LTBP1: variants seen among roughly 807,000 people sequenced by gnomAD.
LTBP1 encodes latent transforming growth factor beta binding protein 1, also known as latent-transforming growth factor beta-binding protein 1.
A neutral mutation model predicts 207.6 loss-of-function variants in LTBP1; 129 were observed. That is an observed-to-expected ratio of 0.62 (90% confidence interval 0.54 to 0.72). LTBP1 has a LOEUF of 0.72. Ranked by LOEUF, LTBP1 falls within the 30% of genes least tolerant of loss-of-function variation. The pLI, the probability that LTBP1 is intolerant of heterozygous loss-of-function variation, is 0.00. For missense variants in LTBP1, 2,281 were observed against 2,217.2 expected, an observed-to-expected ratio of 1.03 and a Z score of -0.58; for synonymous variants, 963 against 833.7, an observed-to-expected ratio of 1.16 and a Z score of -2.67.
At chr2:33,024,488 T>G (rs2075322177) in intron 3 of LTBP1, among the ~76,000 whole-genome samples, 1 of 152,138 alleles carries the variant, frequency 6.6e-6, no homozygotes, top group Non-Finnish European at 1.5e-5. Flanking sequence ...TTTGGTAAAA[T>G]TGTAGTGTTA....
intron 2 of LTBP1, among the ~76,000 whole-genome samples, chr2:32,968,223 C>T (rs1680288081): frequency 6.6e-6 from 1 of 152,026 alleles, no homozygotes; most frequent in Non-Finnish European, 1.5e-5. Flanking sequence ...GCCTTGGCCT[C>T]CCAAAGTGTA....
At chr2:32,992,173 C>G (rs1280659146) in intron 2 of LTBP1, among the ~76,000 whole-genome samples, 2 of 152,158 alleles carry the variant, frequency 1.3e-5, no homozygotes, top group East Asian at 3.9e-4. Flanking sequence ...GGTAGGGACA[C>G]AAGATGACTT....
intron 32 of LTBP1, among the ~76,000 whole-genome samples, chr2:33,389,848 C>G (rs1574131249): frequency 6.6e-6 from 1 of 152,162 alleles, no homozygotes; most frequent in Admixed American, 6.5e-5. Context: ...CCATGTTGGT[C>G]AGGCTCTTCT....
intron 26 of LTBP1, among the ~76,000 whole-genome samples, chr2:33,353,868 T>A (rs1043882625): frequency 1.3e-5 from 2 of 151,322 alleles, no homozygotes; most frequent in African/African-American, 4.9e-5. Flanking sequence ...GCCTTTTTTT[T>A]TTTTTTTTTG....
intron 19 of LTBP1, among the ~76,000 whole-genome samples, chr2:33,287,654 CT>C (rs760608084): frequency 2.0e-5 from 3 of 152,214 alleles, no homozygotes; most frequent in Non-Finnish European, 2.9e-5. Flanking sequence ...TTGGATTTTT[CT>C]GAGATCATCC....
At chr2:33,343,002 C>G (rs377336097) in intron 25 of LTBP1, 39 bp downstream of exon 25, 1 of 1,585,388 alleles carries the variant, frequency 6.3e-7, no homozygotes. Flanking sequence ...TTTCACATGT[C>G]CCTAGGGAAA....
intron 9 of LTBP1, among the ~76,000 whole-genome samples, chr2:33,229,789 C>T (rs2091684028): frequency 6.6e-6 from 1 of 152,156 alleles, no homozygotes; most frequent in Non-Finnish European, 1.5e-5. Context: ...TGATGGTCTA[C>T]TGGTAACACC....
chr2:33,257,174 G>T, intron 11 of LTBP1, 110 bp from the exon 12 acceptor site: 1 of 740,138 alleles, frequency 1.4e-6, no homozygotes, highest in Non-Finnish European at 2.1e-6. Flanking sequence ...GTTTTAAAAT[G>T]TAACTACATT....
rs138473884 is a variant in LTBP1, at chr2:33,323,172, C to G, written c.3730+7903C>G. 7.0e-3 allele frequency among the ~76,000 whole-genome samples: 1,067 copies of G among 152,240 alleles called. 7 individuals carry two copies. Among genetic ancestry groups the G allele is most frequent in the Middle Eastern group, 0.034 (10 of 294 alleles). ...GCACATTCTAAACGTGCTCAGAACA[C>G]TTACACTAGCCTATAGTTAGGCAAA... On this transcript the variant is annotated intron_variant, in intron 24 of 33. Transcript: ENST00000404816.
In LTBP1 at chr2:32,948,895, G is replaced by A; in HGVS notation, c.515G>A (p.Arg172Gln). ...QLQGVNVCGGRCCHGWSKAPG... is the reference protein window; with the variant it reads ...QLQGVNVCGGQCCHGWSKAPG... Reference sequence around the variant, plus strand: ...TTCAGGGTCAATGTCTGTGGAGGGCGGTGCTGTCATGGCTGGAGTAAGGCC... The same window carrying A: ...TTCAGGGTCAATGTCTGTGGAGGGCAGTGCTGTCATGGCTGGAGTAAGGCC... Residue 172 changes from arginine to glutamine, a missense_variant, in exon 2 of 34, where the codon CGG becomes CAG. This residue lies in a region of LTBP1 where 555 missense variants were observed against 491.0 expected (regional missense o/e 1.13). Coordinates refer to ENST00000404816, the MANE Select transcript of LTBP1 (RefSeq NM_206943.4). 6.2e-7 allele frequency: 1 copy of A among 1,614,124 alleles called. No individual in the cohort carries two copies. The highest frequency in any genetic ancestry group is 8.5e-7 in the Non-Finnish European group (1 of 1,180,016).
chr2:33,083,937 C>T (rs1326018787), intron 3 of LTBP1, among the ~76,000 whole-genome samples: 1 of 152,158 alleles, frequency 6.6e-6, no homozygotes, highest in Non-Finnish European at 1.5e-5. Flanking sequence ...ACATTGGATA[C>T]TCTGAAAGAG....
intron 19 of LTBP1, 109 bp downstream of exon 19, chr2:33,280,267 T>A (rs1558938433): frequency 2.6e-6 from 3 of 1,137,070 alleles, no homozygotes; most frequent in Admixed American, 3.4e-5. Context: ...AAAAATGAAA[T>A]CTTACATCAT....
At chr2:33,262,952 ATATACT>A (rs780030133) in intron 14 of LTBP1, 131 bp downstream of exon 14, 16 of 565,956 alleles carry the variant, frequency 2.8e-5, no homozygotes, top group South Asian at 5.8e-5. Flanking sequence ...AAGTATAGTA[ATATACT>A]TATATAATGT....
chr2:33,037,353 T>A (rs2075975546), intron 3 of LTBP1, among the ~76,000 whole-genome samples: 1 of 152,204 alleles, frequency 6.6e-6, no homozygotes, highest in Admixed American at 6.5e-5. Flanking sequence ...AATAATCATC[T>A]GTGTCTCTTG....
chr2:33,278,967 G>A (rs1356449276), intron 18 of LTBP1, among the ~76,000 whole-genome samples: 2 of 152,160 alleles, frequency 1.3e-5, no homozygotes, highest in African/African-American at 2.4e-5. Flanking sequence ...ATGGTATGCA[G>A]TGGGAGATAA....
rs191323020 is a variant in LTBP1 at position 33,028,913 on chromosome 2, A to C, written c.863+7707A>C. Among the ~76,000 whole-genome samples, 10 of 152,322 alleles carry C rather than the reference A, an allele frequency of 6.6e-5. No individual in the cohort carries two copies. The East Asian group carries it at 1.9e-3, about 29-fold the overall frequency. On this transcript the variant is annotated intron_variant, in intron 3 of 33. Transcript: ENST00000404816. ...GCCAGCCTCTTGGGAAAATTACTGA[A>C]ACTGGTACTATAAATCCAGTTTATG...
intron 3 of LTBP1, among the ~76,000 whole-genome samples, chr2:33,045,036 G>A (rs1172977753): frequency 6.6e-6 from 1 of 152,006 alleles, no homozygotes; most frequent in East Asian, 1.9e-4. Context: ...TGGATAGACT[G>A]CAAAATTTTT....
chr2:33,109,417 C>T (rs1202097795), intron 3 of LTBP1, among the ~76,000 whole-genome samples: 2 of 152,222 alleles, frequency 1.3e-5, no homozygotes, highest in Non-Finnish European at 2.9e-5. Context: ...ACTGTCCTAA[C>T]AATTTCAGTA....
intron 2 of LTBP1, among the ~76,000 whole-genome samples, chr2:33,017,628 G>GT (rs1156648830): frequency 6.6e-6 from 1 of 151,944 alleles, no homozygotes; most frequent in Non-Finnish European, 1.5e-5. Flanking sequence ...GTTTTGTTTT[G>GT]TTTTTTGAGA....
Sources: allele counts gnomAD v4.1 joint callset (sites outside exome capture counted in the v4.1 genomes callset), GRCh38; gene constraint gnomAD v4.1.1; regional missense constraint gnomAD v4.1.1; transcripts MANE v1.5; gene names NCBI Gene and HGNC (gene_info 2026-07-23, HGNC 2026-07-21).